VPS13B: variants seen among roughly 807,000 people sequenced by gnomAD.
VPS13B encodes the protein vacuolar protein sorting 13 homolog B, also known as intermembrane lipid transfer protein VPS13B.
Under a neutral mutation model 426.4 loss-of-function variants are expected in VPS13B, and 285 were observed. The ratio of observed to expected loss-of-function variants is 0.67; its 90% CI spans 0.61 to 0.74. VPS13B has a LOEUF of 0.74. VPS13B is among the 30% of genes least tolerant of loss of function. VPS13B has a pLI of 0.00. For missense variants in VPS13B, 4,537 were observed against 4,782.6 expected (o/e 0.95, Z 1.51); for synonymous variants, 1,676 against 1,676.4 (o/e 1.00, Z 0.01).
At chr8:99,324,679 G>C (rs562955614) in intron 19 of VPS13B, among the ~76,000 whole-genome samples, 1 of 152,128 alleles carries the variant, frequency 6.6e-6, no homozygotes, top group Non-Finnish European at 1.5e-5. Flanking sequence ...GGTATCAATT[G>C]TAAGATATGT....
intron 19 of VPS13B, among the ~76,000 whole-genome samples, chr8:99,362,370 C>T (rs567173366): frequency 2.0e-5 from 3 of 152,168 alleles, no homozygotes; most frequent in Admixed American, 6.5e-5. Flanking sequence ...TCTTGATCTC[C>T]TGACCTCGTG....
chr8:99,437,039 A>G (rs868457608), intron 22 of VPS13B, among the ~76,000 whole-genome samples: 3 of 152,220 alleles, frequency 2.0e-5, no homozygotes, highest in South Asian at 2.1e-4. Flanking sequence ...ATTTTTAAAA[A>G]CGTTGTCCAT....
At chr8:99,812,973 G>A (rs1238460899) in intron 44 of VPS13B, among the ~76,000 whole-genome samples, 1 of 152,134 alleles carries the variant, frequency 6.6e-6, no homozygotes, top group East Asian at 1.9e-4. Context: ...GTGTATTAAA[G>A]AGAAACCGTG....
chr8:99,096,328 G>A lies in VPS13B; in HGVS notation c.308G>A (p.Cys103Tyr), dbSNP rs1347290260. 1.2e-6 allele frequency: 2 copies of A among 1,614,000 alleles called. 1 individual carries two copies. The highest frequency in any genetic ancestry group is 2.2e-5 in the South Asian group (2 of 91,076). ...TAAAAATAGGATGACCATGAAAGCT[G>A]TGGTTCTAATTCTACCAACCGTAGT... ...KDGIQDDHES[C>Y]GSNSTNRSTA... Residue 103 changes from cysteine (C) to tyrosine (Y), a missense_variant, in exon 4 of 62, where the codon TGT (cysteine) becomes TAT (tyrosine). Transcript: ENST00000357162.
intron 19 of VPS13B, among the ~76,000 whole-genome samples, chr8:99,335,165 CTGA>C (rs1361847065): frequency 1.3e-5 from 2 of 152,180 alleles, no homozygotes; most frequent in Non-Finnish European, 2.9e-5. Context: ...GTAGTATTCT[CTGA>C]TGATAGTTTG....
At chr8:99,454,834 AGTG>A (rs1398463888) in intron 23 of VPS13B, among the ~76,000 whole-genome samples, 1 of 152,192 alleles carries the variant, frequency 6.6e-6, no homozygotes, top group Non-Finnish European at 1.5e-5. Flanking sequence ...ATAGGTATGT[AGTG>A]GTATCTAAAT....
Position 99,819,509 on chromosome 8 carries a change from A to C in VPS13B, c.8719A>C (p.Ile2907Leu). ...ACACCCTGGAGGCACAGTTAATCAG[A>C]TCCTTGACGAATTCTATGGGCCAGA... is the stretch of plus-strand genomic sequence containing the variant. ...KVHPGGTVNQILDEFYGPEKS... is the reference protein window; with the variant it reads ...KVHPGGTVNQLLDEFYGPEKS... Residue 2907 changes from isoleucine (I) to leucine (L), a missense_variant, in exon 48 of 62, where the codon ATC becomes CTC. Ile to Leu is a conservative substitution (Grantham distance 5, BLOSUM62 2). Transcript: ENST00000357162. The C allele has an allele frequency of 1.9e-6, 3 of 1,613,896 alleles. No homozygotes were observed. In the South Asian group the frequency reaches 3.3e-5, roughly 18 times the overall value.
intron 39 of VPS13B, among the ~76,000 whole-genome samples, chr8:99,747,328 A>AT (rs1360471590): frequency 1.3e-5 from 2 of 152,080 alleles, no homozygotes; most frequent in South Asian, 2.1e-4. Context: ...AACCAGAATA[A>AT]TTTTTTTAAA....
At position 99,121,233 on chromosome 8, in the gene VPS13B, G is replaced by A; in HGVS notation, c.994G>A (p.Glu332Lys). Residue 332 changes from glutamate (E) to lysine (K), a missense_variant, in exon 8 of 62, where the codon GAG becomes AAG. Around this residue, in one of 2 missense-constraint regions of VPS13B, gnomAD observed 4,311 missense variants for 4,474.3 expected, o/e 0.96. Transcript: ENST00000357162. ...MQYPAQHKGQ[E>K]LYSQQDEEQP... ...ATATCCTGCTCAGCATAAAGGTCAA[G>A]AGTTATATTCACAGCAAGATGAGGA... The A allele has an allele frequency of 6.2e-7, 1 of 1,614,074 alleles. No individual in the cohort carries two copies. The highest frequency in any genetic ancestry group is 8.5e-7 in the Non-Finnish European group (1 of 1,179,990).
At chr8:99,289,062 TGAAA>T (rs1340543285) in intron 19 of VPS13B, among the ~76,000 whole-genome samples, 3 of 148,822 alleles carry the variant, frequency 2.0e-5, no homozygotes, top group Non-Finnish European at 3.0e-5. Context: ...AATGAATGAA[TGAAA>T]GAAGGAAGGA....
At chr8:99,691,857 G>A (rs865975825) in intron 35 of VPS13B, among the ~76,000 whole-genome samples, 1 of 141,570 alleles carries the variant, frequency 7.1e-6, no homozygotes, top group African/African-American at 2.7e-5. Flanking sequence ...GATCTACCAA[G>A]CAAATGGAAA....
intron 51 of VPS13B, among the ~76,000 whole-genome samples, chr8:99,828,751 A>C (rs1462967556): frequency 2.6e-5 from 4 of 151,682 alleles, no homozygotes; most frequent in Non-Finnish European, 4.4e-5. Flanking sequence ...TTTCCTTTCC[A>C]TATTTAGTGC....
intron 19 of VPS13B, among the ~76,000 whole-genome samples, chr8:99,371,326 C>G (rs1033752061): frequency 6.6e-6 from 1 of 152,096 alleles, no homozygotes; most frequent in African/African-American, 2.4e-5. Flanking sequence ...ATAGATGCAC[C>G]ATTTATTAAA....
chr8:99,626,675 G>A (rs552296203), intron 33 of VPS13B, among the ~76,000 whole-genome samples: 2 of 152,296 alleles, frequency 1.3e-5, no homozygotes, highest in Admixed American at 6.5e-5. Context: ...ACTCTTATGC[G>A]TTGTTGGTGG....
intron 4 of VPS13B, among the ~76,000 whole-genome samples, chr8:99,101,660 A>G (rs1846757223): frequency 6.6e-6 from 1 of 152,216 alleles, no homozygotes; most frequent in South Asian, 2.1e-4. Flanking sequence ...TAGTTTCTAT[A>G]TAGGAGAAAA....
At chr8:99,542,242 A>C (rs1318357014) in intron 30 of VPS13B, among the ~76,000 whole-genome samples, 1 of 152,206 alleles carries the variant, frequency 6.6e-6, no homozygotes, top group East Asian at 1.9e-4. Context: ...GGACATCATC[A>C]GAATTTCTTG....
chr8:99,835,975 C>T (rs1486949326), intron 54 of VPS13B, among the ~76,000 whole-genome samples: 1 of 152,226 alleles, frequency 6.6e-6, no homozygotes. Flanking sequence ...TAAAAGCAGG[C>T]CCATCTTGGA....
At chr8:99,108,260 A>G (rs1334824410) in intron 5 of VPS13B, among the ~76,000 whole-genome samples, 1 of 152,080 alleles carries the variant, frequency 6.6e-6, no homozygotes, top group Non-Finnish European at 1.5e-5. Context: ...TTGGGCATCT[A>G]GGTTGATTCC....
At chr8:99,224,558 A>G (rs910751350) in intron 17 of VPS13B, among the ~76,000 whole-genome samples, 5 of 152,148 alleles carry the variant, frequency 3.3e-5, no homozygotes, top group Non-Finnish European at 7.4e-5. Context: ...AATTAATTAT[A>G]TTAATCTGAT....
Sources: allele counts gnomAD v4.1 joint callset (sites outside exome capture counted in the v4.1 genomes callset), GRCh38; gene constraint gnomAD v4.1.1; regional missense constraint gnomAD v4.1.1; transcripts MANE v1.5; gene names NCBI Gene and HGNC (gene_info 2026-07-23, HGNC 2026-07-21).